The following XYLT1 variants were observed in gnomAD, a reference collection of about 807,000 sequenced individuals.
XYLT1 encodes beta-D-xylosyltransferase 1.
A neutral mutation model predicts 91.3 loss-of-function variants in XYLT1; 36 were observed. The ratio of observed to expected loss-of-function variants is 0.39; its 90% CI spans 0.30 to 0.52. The LOEUF (loss-of-function observed/expected upper bound fraction) is 0.52, where lower values mean the gene tolerates loss of function less well. Ranked by LOEUF, XYLT1 falls within the 20% of genes least tolerant of loss-of-function variation. The pLI, the probability that XYLT1 is intolerant of heterozygous loss-of-function variation, is 0.68. For missense variants in XYLT1, 1,242 were observed against 1,284.5 expected (o/e 0.97, Z 0.51); for synonymous variants, 588 against 532.0 (o/e 1.11, Z -1.45).
chr16:17,357,972 T>C lies in XYLT1; in HGVS notation c.402+40A>G, dbSNP rs200701750. 1,288 of 1,607,704 alleles carry C rather than the reference T, an allele frequency of 8.0e-4. 19 individuals carry two copies. The South Asian group carries it at 0.014, about 17-fold the overall frequency. On this transcript the variant is annotated intron_variant, in intron 2 of 11. Transcript: ENST00000261381. ...CAAGTCCCCTTGAGAGCTGGAATAC[T>C]AAGGCTGAGATAAGTGGCCAAGACA... is the stretch of plus-strand genomic sequence containing the variant.
At chr16:17,277,937 G>A (rs144459336) in intron 2 of XYLT1, among the ~76,000 whole-genome samples, 62 of 152,266 alleles carry the variant, frequency 4.1e-4, no homozygotes, top group Admixed American at 1.0e-3. Context: ...TCCCACCCAG[G>A]AGAGTTTTGG....
chr16:17,179,839 A>G (rs569010577), intron 5 of XYLT1, among the ~76,000 whole-genome samples: 2 of 152,274 alleles, frequency 1.3e-5, no homozygotes, highest in Middle Eastern at 3.4e-3. Context: ...ATTCCCTTCT[A>G]TGTGTTAATA....
At chr16:17,316,436 GC>G (rs2034634097) in intron 2 of XYLT1, among the ~76,000 whole-genome samples, 1 of 151,918 alleles carries the variant, frequency 6.6e-6, no homozygotes, top group Non-Finnish European at 1.5e-5. Flanking sequence ...TCTCTCTGTC[GC>G]CCCGGCTGGA....
At chr16:17,461,509 A>G (rs1430784684) in intron 1 of XYLT1, among the ~76,000 whole-genome samples, 1 of 152,156 alleles carries the variant, frequency 6.6e-6, no homozygotes. Context: ...TAACTGCAGG[A>G]GTGGAGGATG....
chr16:17,414,725 C>A (rs953727688), intron 1 of XYLT1, among the ~76,000 whole-genome samples: 1 of 152,160 alleles, frequency 6.6e-6, no homozygotes, highest in Non-Finnish European at 1.5e-5. Flanking sequence ...TGGAGCCAGG[C>A]AGCCTGGGTT....
intron 2 of XYLT1, among the ~76,000 whole-genome samples, chr16:17,345,801 AC>A (rs1299297865): frequency 8.3e-6 from 1 of 120,422 alleles, no homozygotes; most frequent in African/African-American, 3.2e-5. Context: ...TGTTACTTCA[AC>A]CGTTTTTATT....
chr16:17,375,920 G>A (rs1206842357), intron 1 of XYLT1, among the ~76,000 whole-genome samples: 2 of 152,250 alleles, frequency 1.3e-5, no homozygotes, highest in African/African-American at 4.8e-5. Context: ...AGGGGGAGGT[G>A]GCAGTGTTGA....
intron 1 of XYLT1, among the ~76,000 whole-genome samples, chr16:17,442,396 C>G (rs1221858139): frequency 1.3e-5 from 2 of 152,054 alleles, no homozygotes; most frequent in Non-Finnish European, 2.9e-5. Context: ...GCCCACCTAC[C>G]CCCCACCTCC....
intron 3 of XYLT1, among the ~76,000 whole-genome samples, chr16:17,244,142 G>T (rs1326364023): frequency 6.6e-6 from 1 of 152,130 alleles, no homozygotes; most frequent in African/African-American, 2.4e-5. Flanking sequence ...CAGAACTAGG[G>T]GGAACAGGAT....
At chr16:17,303,468 T>A (rs532122072) in intron 2 of XYLT1, among the ~76,000 whole-genome samples, 1 of 152,356 alleles carries the variant, frequency 6.6e-6, no homozygotes, top group Non-Finnish European at 1.5e-5. Flanking sequence ...TGCTGTTGCA[T>A]ATTATTTGTG....
intron 6 of XYLT1, among the ~76,000 whole-genome samples, chr16:17,147,824 G>C (rs2031174938): frequency 6.6e-6 from 1 of 152,230 alleles, no homozygotes; most frequent in Admixed American, 6.5e-5. Flanking sequence ...AGGTAAGTCA[G>C]TGAACACCTG....
chr16:17,370,684 G>C (rs767012648), intron 1 of XYLT1, among the ~76,000 whole-genome samples: 5 of 152,154 alleles, frequency 3.3e-5, no homozygotes, highest in Non-Finnish European at 7.4e-5. Flanking sequence ...TTCAGCTCAG[G>C]CATAGTTTGT....
rs187823602 is a variant in XYLT1, at chr16:17,404,008, A to T, written c.364-45958T>A. On this transcript the variant is annotated intron_variant, in intron 1 of 11. Coordinates refer to ENST00000261381, the MANE Select transcript of XYLT1 (RefSeq NM_022166.4). ...TCTCTGTGCAGTTCAGACCACAGCCACAGAGAATTATTTAAACCCCTCCTG... is the reference window on the plus strand; with the variant it reads ...TCTCTGTGCAGTTCAGACCACAGCCTCAGAGAATTATTTAAACCCCTCCTG... 2.2e-3 allele frequency among the ~76,000 whole-genome samples: 330 copies of T among 152,304 alleles called. 1 individual carries two copies. Among genetic ancestry groups the T allele is most frequent in the Non-Finnish European group, 2.6e-3 (176 of 68,026 alleles).
At chr16:17,363,898 C>T (rs771969011) in intron 1 of XYLT1, among the ~76,000 whole-genome samples, 1 of 151,970 alleles carries the variant, frequency 6.6e-6, no homozygotes, top group South Asian at 2.1e-4. Flanking sequence ...AGGCTGGTCT[C>T]GAACTCCTGA....
At chr16:17,424,228 T>G (rs1040827632) in intron 1 of XYLT1, among the ~76,000 whole-genome samples, 2 of 152,218 alleles carry the variant, frequency 1.3e-5, no homozygotes, top group Non-Finnish European at 2.9e-5. Context: ...CTGTGTGATG[T>G]TAAGTGACTG....
chr16:17,401,649 G>A (rs1030875361), intron 1 of XYLT1, among the ~76,000 whole-genome samples: 3 of 152,082 alleles, frequency 2.0e-5, no homozygotes, highest in African/African-American at 7.2e-5. Flanking sequence ...TAAAATGTAT[G>A]CTAAGCACTC....
chr16:17,334,195 G>A (rs944076869), intron 2 of XYLT1, among the ~76,000 whole-genome samples: 1 of 152,192 alleles, frequency 6.6e-6, no homozygotes, highest in Non-Finnish European at 1.5e-5. Context: ...ATACATTTCT[G>A]TTGCCTGTAA....
intron 2 of XYLT1, among the ~76,000 whole-genome samples, chr16:17,340,439 G>T (rs2035050067): frequency 6.6e-6 from 1 of 152,244 alleles, no homozygotes; most frequent in Non-Finnish European, 1.5e-5. Context: ...CCATGCCTGT[G>T]TTCAGATCAT....
At chr16:17,349,752 T>A (rs2035194361) in intron 2 of XYLT1, among the ~76,000 whole-genome samples, 1 of 151,722 alleles carries the variant, frequency 6.6e-6, no homozygotes, top group Non-Finnish European at 1.5e-5. Context: ...GAAGAGGGAC[T>A]CGCATGCAGT....
Sources: gnomAD v4.1 joint callset for allele counts (sites outside exome capture counted in the v4.1 genomes callset) on GRCh38, gnomAD v4.1.1 for gene constraint, MANE v1.5 for transcripts, NCBI Gene and HGNC (gene_info 2026-07-23, HGNC 2026-07-21) for gene names.